The following GPC3 variants were observed in gnomAD, a reference collection of about 807,000 sequenced individuals.
GPC3 encodes glypican 3.
A neutral mutation model predicts 34.4 loss-of-function variants in GPC3; 3 were observed. The ratio of observed to expected loss-of-function variants is 0.09; its 90% CI spans 0.04 to 0.23. The LOEUF (loss-of-function observed/expected upper bound fraction) is 0.23. Ranked by LOEUF, GPC3 falls within the 10% of genes least tolerant of loss-of-function variation. The pLI is 1.00. For synonymous variants in GPC3, 177 were observed against 174.0 expected, an observed-to-expected ratio of 1.02 and a Z score of -0.13; for missense variants, 351 against 445.6, an observed-to-expected ratio of 0.79 and a Z score of 1.91.
At chrX:133,739,608 G>A (rs2071545077) in intron 3 of GPC3, among the ~76,000 whole-genome samples, 2 of 111,340 alleles carry the variant, frequency 1.8e-5, no homozygotes, top group Non-Finnish European at 3.8e-5. Flanking sequence ...CACTTTGGGA[G>A]GCTGAGGTGG....
chrX:133,734,136 A>G (rs954772309), intron 3 of GPC3, among the ~76,000 whole-genome samples: 6 of 112,076 alleles, frequency 5.4e-5, no homozygotes, highest in Non-Finnish European at 7.5e-5. Context: ...AGATATAAAA[A>G]TCTTCAACAA....
intron 2 of GPC3, among the ~76,000 whole-genome samples, chrX:133,889,879 A>T (rs1603266546): frequency 2.5e-5 from 2 of 80,791 alleles, no homozygotes; most frequent in Non-Finnish European, 4.4e-5. Context: ...TCTGTTGCCC[A>T]GGCTGGAGTA....
chrX:133,571,298 AC>A (rs200651309), intron 7 of GPC3, among the ~76,000 whole-genome samples: 1,412 of 111,711 alleles, frequency 0.013, 24 homozygotes, highest in African/African-American at 0.043. Flanking sequence ...TCAGCCAACC[AC>A]TCACACTCAG....
rs749691607 is a variant in GPC3 at position 133,707,619 on chromosome X, G to A, written c.1033-7591C>T. 3.6e-5 allele frequency among the ~76,000 whole-genome samples: 4 copies of A among 111,334 alleles called. No homozygotes were observed. In the South Asian group the frequency reaches 1.5e-3, roughly 42 times the overall value. ...GAAGTTCTGAAAATAAGAATCATAA[G>A]ATGTAGAATATATGGAGAGTAAGCA... On this transcript the variant is annotated intron_variant, in intron 3 of 7. Transcript: ENST00000370818.
At chrX:133,655,904 C>T (rs1390130153) in intron 6 of GPC3, among the ~76,000 whole-genome samples, 1 of 112,323 alleles carries the variant, frequency 8.9e-6, no homozygotes. Flanking sequence ...AAAATTTTAA[C>T]TTTCTATTTC....
intron 2 of GPC3, among the ~76,000 whole-genome samples, chrX:133,784,432 GA>G (rs2072082309): frequency 9.0e-6 from 1 of 111,297 alleles, no homozygotes; most frequent in African/African-American, 3.3e-5. Flanking sequence ...TCAGGGAATT[GA>G]AAATCCCCTC....
At chrX:133,877,565 G>T (rs1320603858) in intron 2 of GPC3, among the ~76,000 whole-genome samples, 1 of 111,957 alleles carries the variant, frequency 8.9e-6, no homozygotes, top group East Asian at 2.8e-4. Flanking sequence ...TGGCCTAGTA[G>T]TGCTGAAATT....
rs915689981 is a variant in GPC3, at chrX:133,535,927, A to G, written c.*197T>C. The G allele has an allele frequency of 2.3e-5, 10 of 428,284 alleles. No individual in the cohort carries two copies. In the Admixed American group the frequency reaches 4.1e-4, roughly 18 times the overall value. The allele number at this position is 428,284 out of a possible 1,213,427, so 35.3% of individuals were successfully genotyped here. A position where few individuals can be genotyped will look rare whatever the true frequency, so the allele number is the denominator to read the frequency against. ...GCAAAAGGACAATCTATATGCTACC[A>G]CTAAAATGTATCTTCCTCCAAAAGA... On this transcript the variant is annotated 3_prime_UTR_variant, in exon 8 of 8. Coordinates refer to ENST00000370818, the MANE Select transcript of GPC3 (RefSeq NM_004484.4).
chrX:133,848,956 T>C (rs1219370206), intron 2 of GPC3, among the ~76,000 whole-genome samples: 1 of 111,213 alleles, frequency 9.0e-6, no homozygotes, highest in Non-Finnish European at 1.9e-5. Context: ...ATTTAATAAG[T>C]CTTGCAGGAT....
At chrX:133,643,373 T>C (rs751787408) in intron 6 of GPC3, among the ~76,000 whole-genome samples, 10 of 111,856 alleles carry the variant, frequency 8.9e-5, no homozygotes, top group East Asian at 5.6e-4. Context: ...TACAGCTCAG[T>C]TGGGGACCAA....
At chrX:133,841,153 C>A (rs1436659930) in intron 2 of GPC3, among the ~76,000 whole-genome samples, 1 of 105,979 alleles carries the variant, frequency 9.4e-6, no homozygotes, top group Non-Finnish European at 1.9e-5. Flanking sequence ...AAGCAATCCT[C>A]CCACATCAGC....
chrX:133,733,565 T>G (rs2071481969), intron 3 of GPC3, among the ~76,000 whole-genome samples: 2 of 110,942 alleles, frequency 1.8e-5, no homozygotes, highest in Admixed American at 1.9e-4. Context: ...AAATCTAGAA[T>G]AGAAAAACAA....
At chrX:133,790,383 A>C (rs969358146) in intron 2 of GPC3, among the ~76,000 whole-genome samples, 1 of 106,075 alleles carries the variant, frequency 9.4e-6, no homozygotes, top group Admixed American at 1.0e-4. Flanking sequence ...ATTCACACAG[A>C]CCATCCTAAA....
At chrX:133,754,353 C>G (rs970055142) in intron 2 of GPC3, among the ~76,000 whole-genome samples, 177 bp from the exon 3 acceptor site, 2 of 111,710 alleles carry the variant, frequency 1.8e-5, no homozygotes, top group Non-Finnish European at 3.8e-5. Flanking sequence ...TTGTTTGCTC[C>G]TATAAATCAA....
chrX:133,971,626 A>C (rs957668117), intron 1 of GPC3, among the ~76,000 whole-genome samples: 18 of 111,649 alleles, frequency 1.6e-4, no homozygotes, highest in East Asian at 2.8e-4. Flanking sequence ...AAATATAAAA[A>C]ACCATAAAGC....
At chrX:133,975,413 A>C (rs889670030) in intron 1 of GPC3, among the ~76,000 whole-genome samples, 1 of 112,003 alleles carries the variant, frequency 8.9e-6, no homozygotes, top group African/African-American at 3.2e-5. Context: ...ACCTTTGTAC[A>C]TGCTTTACAT....
Position 133,905,518 on chromosome X carries a change from C to T in GPC3, c.337+47532G>A, listed in dbSNP as rs6638141. The stretch of plus-strand genomic sequence containing the variant: ...GTCCAGATCCCCCGTTTAAGAATAC[C>T]CATCCCCGGGAGATCACACCTTCAG... On this transcript the variant is annotated intron_variant, in intron 2 of 7. Transcript: ENST00000370818. Among the ~76,000 whole-genome samples, 36 of 111,909 alleles carry T rather than the reference C, an allele frequency of 3.2e-4. No individual in the cohort carries two copies. The East Asian group carries it at 9.5e-3, about 30-fold the overall frequency.
chrX:133,977,481 A>G (rs1311814692), intron 1 of GPC3, among the ~76,000 whole-genome samples: 2 of 111,633 alleles, frequency 1.8e-5, no homozygotes, highest in African/African-American at 6.5e-5. Context: ...ATATATACCA[A>G]GTGAAGGCTT....
chrX:133,757,440 A>C (rs1040221804), intron 2 of GPC3, among the ~76,000 whole-genome samples: 1 of 111,040 alleles, frequency 9.0e-6, no homozygotes, highest in Non-Finnish European at 1.9e-5. Context: ...AACTTCTACT[A>C]CCCCCCAGGA....
Sources: gnomAD v4.1 joint callset for allele counts (sites outside exome capture counted in the v4.1 genomes callset) on GRCh38, gnomAD v4.1.1 for gene constraint, MANE v1.5 for transcripts, NCBI Gene and HGNC (gene_info 2026-07-23, HGNC 2026-07-21) for gene names.